The following NCAPD2 variants were observed in gnomAD, a reference collection of about 807,000 sequenced individuals.
NCAPD2 encodes the protein non-SMC condensin I complex subunit D2.
A neutral mutation model predicts 164.5 loss-of-function variants in NCAPD2; 100 were observed. The observed-to-expected ratio is 0.61, with a 90% CI of 0.52 to 0.72. The LOEUF is 0.72. Among genes scored for constraint, NCAPD2 ranks in the 30% least tolerant of loss-of-function variants. NCAPD2 has a pLI of 0.00. For missense variants in NCAPD2, 1,560 were observed against 1,749.2 expected (o/e 0.89, Z 1.93); for synonymous variants, 585 against 642.6 (o/e 0.91, Z 1.36).
rs764438216 is a variant in NCAPD2 at position 6,528,244 on chromosome 12, G to A, written c.3215G>A (p.Arg1072Gln). ...MLEKSPLPIV[R>Q]SNLMVATGDL... ...GAAAAGTCTCCACTTCCCATTGTCC[G>A]GTCTAACCTCATGGTTGCCACTGGG... is the stretch of plus-strand genomic sequence containing the variant. Residue 1072 changes from arginine to glutamine, a missense_variant, in exon 25 of 32, where the codon CGG becomes CAG. By Grantham distance (43) the Arg-to-Gln change is conservative (BLOSUM62 1). Transcript: ENST00000315579. This position sits in a 1 kb window ranked among gnomAD's most constrained non-coding sequence, Gnocchi z 5.1. 8.1e-6 allele frequency: 13 copies of A among 1,613,908 alleles called. No homozygotes were observed. In the Admixed American group the frequency reaches 1.7e-4, roughly 21 times the overall value.
At chr12:6,512,826 AG>A (rs1398795136) in intron 6 of NCAPD2, among the ~76,000 whole-genome samples, 1 of 152,204 alleles carries the variant, frequency 6.6e-6, no homozygotes, top group Non-Finnish European at 1.5e-5. Flanking sequence ...GATGGGGAGA[AG>A]TAGTTGGATT....
intron 17 of NCAPD2, among the ~76,000 whole-genome samples, chr12:6,525,154 AC>A (rs112292299): frequency 4.6e-4 from 70 of 152,316 alleles, no homozygotes; most frequent in African/African-American, 1.7e-3. Flanking sequence ...AAAAATAGTG[AC>A]TGATTTGTAA....
intron 2 of NCAPD2, among the ~76,000 whole-genome samples, chr12:6,504,182 C>CATATATATAT (rs1176237960): frequency 4.0e-4 from 23 of 57,718 alleles, no homozygotes; most frequent in East Asian, 2.0e-3. Context: ...TATATATATA[C>CATATATATAT]ATATATATAT....
chr12:6,499,148 T>A (rs1183169512), intron 2 of NCAPD2, among the ~76,000 whole-genome samples: 3 of 152,118 alleles, frequency 2.0e-5, no homozygotes, highest in Non-Finnish European at 2.9e-5. Context: ...GATTTTATGC[T>A]ACTCAGAATG....
In NCAPD2 at chr12:6,528,965, C is replaced by A; in HGVS notation, c.3498C>A (p.Leu1166=). ...LSHKGNAIYN[L]LPDIISRLSD... ...TACAGGGCAACGCAATCTATAATCT[C>A]CTTCCAGATATCATCAGCCGCCTGT... The change falls in exon 27 of 32, where the codon CTC becomes CTA. Residue 1166 remains leucine (L), a synonymous_variant. Coordinates refer to ENST00000315579, the MANE Select transcript of NCAPD2 (RefSeq NM_014865.4). The surrounding 1 kb of genome is among the most constrained non-coding windows in gnomAD (Gnocchi z 5.1). 6.2e-7 allele frequency: 1 copy of A among 1,614,076 alleles called. No homozygotes were observed. The highest frequency in any genetic ancestry group is 1.1e-5 in the South Asian group (1 of 91,072).
At chr12:6,510,947 C>T (rs184372816) in intron 5 of NCAPD2, 137 bp downstream of exon 5, 1,387 of 1,301,716 alleles carry the variant, frequency 1.1e-3, no homozygotes, top group Non-Finnish European at 1.2e-3. Flanking sequence ...AAAAGTGTCA[C>T]ACGTTTTCTT....
At chr12:6,529,233 A>T in intron 27 of NCAPD2, 194 bp downstream of exon 27, 2 of 622,496 alleles carry the variant, frequency 3.2e-6, no homozygotes, top group South Asian at 3.9e-5. Context: ...AAAATATTAA[A>T]TACGATAAAG....
intron 29 of NCAPD2, 109 bp from the exon 30 acceptor site, chr12:6,530,582 C>A: frequency 7.1e-7 from 1 of 1,416,020 alleles, no homozygotes; most frequent in South Asian, 1.3e-5. Context: ...CTCACCTTGG[C>A]TTCTTAGTAA....
Position 6,522,010 on chromosome 12 carries a change from A to C in NCAPD2, c.1927A>C (p.Lys643Gln). ...KITEAIGIIS[K>Q]MMYENTTTVV... ...TACAGAGGCCATTGGCATCATCAGC[A>C]AGATGATGTATGAAAACACAACTAC... The change falls in exon 15 of 32, where the codon AAG becomes CAG. Residue 643 changes from lysine to glutamine, a missense_variant. By Grantham distance (53) the Lys-to-Gln change is moderately conservative. Transcript: ENST00000315579. The C allele has an allele frequency of 6.2e-7, 1 of 1,614,086 alleles. No individual in the cohort carries two copies. Among genetic ancestry groups the C allele is most frequent in the Non-Finnish European group, 8.5e-7 (1 of 1,179,916 alleles).
chr12:6,530,285 T>C (rs1005903492), intron 29 of NCAPD2, among the ~76,000 whole-genome samples: 6 of 152,324 alleles, frequency 3.9e-5, no homozygotes, highest in Non-Finnish European at 7.3e-5. Context: ...CCCCTACACA[T>C]CACAGCCTTC....
In NCAPD2 at chr12:6,501,280, G is replaced by A. The variant is rs1036672034; in HGVS notation, c.127+6055G>A. 1.6e-4 allele frequency among the ~76,000 whole-genome samples: 20 copies of A among 125,408 alleles called. 1 individual carries two copies. The highest frequency in any genetic ancestry group is 5.7e-4 in the African/African-American group (19 of 33,068). The allele number at this position is 125,408 out of a possible 152,430, so 82.3% of individuals were successfully genotyped here. A position where few individuals can be genotyped will look rare whatever the true frequency, so the allele number is the denominator to read the frequency against. On this transcript the variant is annotated intron_variant, in intron 2 of 31. Coordinates refer to ENST00000315579, the MANE Select transcript of NCAPD2 (RefSeq NM_014865.4). ...TTTTTAGGCAGAGTCTCGCTCTCTC[G>A]CCCAGGCTGGAGTGCAGTGGCACCA...
intron 15 of NCAPD2, 31 bp downstream of exon 15, chr12:6,522,068 C>A: frequency 6.3e-7 from 1 of 1,579,442 alleles, no homozygotes; most frequent in Middle Eastern, 1.7e-4. Context: ...ATAAGGACAG[C>A]CTTGGGGTTC....
At position 6,526,267 on chromosome 12, in the gene NCAPD2, C is replaced by T. The variant is rs369998195; in HGVS notation, c.2482-20C>T. The T allele has an allele frequency of 1.1e-5, 17 of 1,614,058 alleles. No individual in the cohort carries two copies. Among genetic ancestry groups the T allele is most frequent in the African/African-American group, 2.7e-5 (2 of 74,918 alleles). On this transcript the variant is annotated intron_variant, in intron 19 of 31. Coordinates refer to ENST00000315579, the MANE Select transcript of NCAPD2 (RefSeq NM_014865.4). ...CGTGTCCACCCTGTACACACACCCA[C>T]GTTGTCTTGCTCTCCACAGCCTTCT...
At chr12:6,497,462 C>A (rs970735879) in intron 2 of NCAPD2, among the ~76,000 whole-genome samples, 8 of 152,246 alleles carry the variant, frequency 5.3e-5, no homozygotes, top group African/African-American at 1.9e-4. Flanking sequence ...CCCATTCCAC[C>A]CTCTAACAGG....
At chr12:6,507,422 A>G (rs1452797680) in intron 2 of NCAPD2, among the ~76,000 whole-genome samples, 2 of 152,236 alleles carry the variant, frequency 1.3e-5, no homozygotes, top group African/African-American at 2.4e-5. Flanking sequence ...TAGGAAAGCA[A>G]TTTTACTTCT....
chr12:6,511,061 C>T lies in NCAPD2; in HGVS notation c.445-49C>T, dbSNP rs780622358. On this transcript the variant is annotated intron_variant, in intron 5 of 31. Coordinates refer to ENST00000315579, the MANE Select transcript of NCAPD2 (RefSeq NM_014865.4). ...GGCACTCAGACTGACAGATCTTGAC[C>T]CACTTTTTTCCCTTATTTTTTCCTC... 6 of 1,597,750 alleles carry T rather than the reference C, an allele frequency of 3.8e-6. No individual in the cohort carries two copies. In the East Asian group the frequency reaches 1.3e-4, roughly 36 times the overall value.
intron 2 of NCAPD2, among the ~76,000 whole-genome samples, chr12:6,499,390 T>G (rs1261305376): frequency 6.6e-6 from 1 of 151,560 alleles, no homozygotes; most frequent in Non-Finnish European, 1.5e-5. Context: ...TCTTGGGGGG[T>G]TTTTTTGTTG....
chr12:6,512,390 G>A (rs1465123696), intron 6 of NCAPD2, among the ~76,000 whole-genome samples: 2 of 152,168 alleles, frequency 1.3e-5, no homozygotes, highest in Non-Finnish European at 2.9e-5. Flanking sequence ...ACCCAGAGGA[G>A]GTGACTGAGA....
At chr12:6,515,032 A>G in intron 9 of NCAPD2, 112 bp downstream of exon 9, 1 of 1,185,884 alleles carries the variant, frequency 8.4e-7, no homozygotes, top group Non-Finnish European at 1.2e-6. Context: ...GTCTAGATTT[A>G]TCATTGTGAC....
Sources: allele counts gnomAD v4.1 joint callset (sites outside exome capture counted in the v4.1 genomes callset), GRCh38; gene constraint gnomAD v4.1.1; non-coding constraint Gnocchi (gnomAD v3.1); transcripts MANE v1.5; gene names NCBI Gene and HGNC (gene_info 2026-07-23, HGNC 2026-07-21).